BBOX1: variants seen among roughly 807,000 people sequenced by gnomAD.
BBOX1 encodes the protein gamma-butyrobetaine hydroxylase 1.
A neutral mutation model predicts 41.6 loss-of-function variants in BBOX1; 35 were observed. The ratio of observed to expected loss-of-function variants is 0.84; its 90% CI spans 0.64 to 1.11. BBOX1 has a LOEUF of 1.11. BBOX1 is among the 50% of genes most tolerant of loss of function. The pLI, the probability that BBOX1 is intolerant of heterozygous loss-of-function variation, is 0.00. For synonymous variants in BBOX1, 163 were observed against 154.7 expected, an observed-to-expected ratio of 1.05 and a Z score of -0.40; for missense variants, 458 against 460.6, an observed-to-expected ratio of 0.99 and a Z score of 0.05.
At chr11:27,090,947 C>T (rs974094585) in intron 4 of BBOX1, among the ~76,000 whole-genome samples, 1 of 151,862 alleles carries the variant, frequency 6.6e-6, no homozygotes, top group Non-Finnish European at 1.5e-5. Context: ...TTTGCCCAAC[C>T]CCGCAGGCAG....
intron 4 of BBOX1, among the ~76,000 whole-genome samples, chr11:27,059,120 G>T (rs1410102953): frequency 6.6e-6 from 1 of 152,150 alleles, no homozygotes; most frequent in Non-Finnish European, 1.5e-5. Context: ...GGGCTCCACT[G>T]CCCTGTGTGT....
Position 27,125,722 on chromosome 11 carries a change from T to G in BBOX1, c.905T>G (p.Val302Gly). The G allele has an allele frequency of 6.2e-7, 1 of 1,612,702 alleles. No individual in the cohort carries two copies. The highest frequency in any genetic ancestry group is 8.5e-7 in the Non-Finnish European group (1 of 1,179,190). ...GCAACTAGGGACACAATATTTGATG[T>G]GCCTGTTGAAAGAGTTCAGCCTTTT... ...NNATRDTIFDVPVERVQPFYA... is the reference protein window; with the variant it reads ...NNATRDTIFDGPVERVQPFYA... Residue 302 changes from valine (V) to glycine (G), a missense_variant, in exon 8 of 9, where the codon GTG becomes GGG. By Grantham distance (109) the Val-to-Gly change is moderately radical. Coordinates refer to ENST00000263182, the MANE Select transcript of BBOX1 (RefSeq NM_003986.3).
At chr11:27,050,127 G>A (rs1399159980) in intron 2 of BBOX1, among the ~76,000 whole-genome samples, 2 of 152,078 alleles carry the variant, frequency 1.3e-5, no homozygotes, top group Non-Finnish European at 2.9e-5. Context: ...TCCCCATTTA[G>A]TGTTCTTGGG....
At chr11:27,097,183 G>A (rs1037331779) in intron 5 of BBOX1, among the ~76,000 whole-genome samples, 3 of 132,446 alleles carry the variant, frequency 2.3e-5, no homozygotes, top group African/African-American at 1.1e-4. Context: ...AGTTTTTACA[G>A]ACTAGGCCAA....
chr11:27,048,964 T>A (rs1414366243), intron 2 of BBOX1, among the ~76,000 whole-genome samples: 1 of 144,954 alleles, frequency 6.9e-6, no homozygotes, highest in African/African-American at 2.6e-5. Flanking sequence ...ATTCTCATTG[T>A]TAAATTCCCA....
In BBOX1 at chr11:27,093,247, C is replaced by T. The variant is rs1456573769; in HGVS notation, c.414C>T (p.Tyr138=). The T allele has an allele frequency of 2.5e-6, 4 of 1,612,494 alleles. 1 individual carries two copies. The highest frequency in any genetic ancestry group is 1.7e-5 in the Admixed American group (1 of 59,830). Reference sequence around the variant, plus strand: ...TTTTAAGATATGATGAACACGCATACAAGTGGCTCTCCACCCTCAAGAAAG... The same window carrying T: ...TTTTAAGATATGATGAACACGCATATAAGTGGCTCTCCACCCTCAAGAAAG... ...EDVLRYDEHA[Y]KWLSTLKKVG... is the part of the protein sequence containing the mutation. Residue 138 remains tyrosine (Y), a synonymous_variant, in exon 5 of 9, where the codon TAC becomes TAT. Coordinates refer to ENST00000263182, the MANE Select transcript of BBOX1 (RefSeq NM_003986.3).
intron 4 of BBOX1, among the ~76,000 whole-genome samples, chr11:27,087,712 C>A (rs1858093899): frequency 6.6e-6 from 1 of 152,004 alleles, no homozygotes; most frequent in African/African-American, 2.4e-5. Flanking sequence ...ACAGCAGCGT[C>A]TGTGAAAGTC....
intron 5 of BBOX1, 96 bp from the exon 6 acceptor site, chr11:27,115,356 A>C: frequency 1.0e-6 from 1 of 975,002 alleles, no homozygotes; most frequent in Middle Eastern, 2.2e-4. Flanking sequence ...AAAAAATGAA[A>C]AGTTTCCATT....
chr11:27,046,917 A>AGT (rs1851502262), intron 2 of BBOX1, among the ~76,000 whole-genome samples: 1 of 1,050 alleles, frequency 9.5e-4, no homozygotes, highest in African/African-American at 3.3e-3. Context: ...GATGATCTGC[A>AGT]ATTTTTTTTT....
At chr11:27,046,725 T>C (rs988881443) in intron 2 of BBOX1, among the ~76,000 whole-genome samples, 2 of 152,182 alleles carry the variant, frequency 1.3e-5, no homozygotes, top group African/African-American at 4.8e-5. Flanking sequence ...ATATAGGAGC[T>C]ATATCTAAAT....
intron 4 of BBOX1, among the ~76,000 whole-genome samples, chr11:27,071,292 G>A (rs1043777402): frequency 4.0e-5 from 6 of 151,666 alleles, no homozygotes; most frequent in African/African-American, 1.5e-4. Flanking sequence ...TGAGGCAGGA[G>A]AATGGCATGA....
intron 4 of BBOX1, among the ~76,000 whole-genome samples, chr11:27,070,498 C>A (rs1186377210): frequency 1.3e-5 from 2 of 152,078 alleles, no homozygotes; most frequent in African/African-American, 4.8e-5. Flanking sequence ...TTGATTCTTT[C>A]ATCATTGTAT....
chr11:27,080,245 G>A (rs1857790422), intron 4 of BBOX1, among the ~76,000 whole-genome samples: 1 of 151,938 alleles, frequency 6.6e-6, no homozygotes, highest in Admixed American at 6.6e-5. Flanking sequence ...TGATTTAAGG[G>A]TATCTGAACT....
chr11:27,119,549 G>A (rs867915415), intron 6 of BBOX1, 100 bp from the exon 7 acceptor site: 83 of 713,610 alleles, frequency 1.2e-4, no homozygotes, highest in Middle Eastern at 1.0e-3. Flanking sequence ...AATGGTGCAT[G>A]TATATTATTT....
chr11:27,065,507 G>A (rs1857256503), intron 4 of BBOX1, among the ~76,000 whole-genome samples: 1 of 152,206 alleles, frequency 6.6e-6, no homozygotes, highest in Admixed American at 6.5e-5. Context: ...AACCTACCAG[G>A]GGAGACTCAG....
At chr11:27,048,253 C>A (rs113641163) in intron 2 of BBOX1, among the ~76,000 whole-genome samples, 2 of 152,122 alleles carry the variant, frequency 1.3e-5, no homozygotes, top group African/African-American at 4.8e-5. Flanking sequence ...ACCAACATAT[C>A]CCCATTTCTC....
intron 4 of BBOX1, among the ~76,000 whole-genome samples, chr11:27,079,661 T>C (rs2134012690): frequency 6.6e-6 from 1 of 152,176 alleles, no homozygotes; most frequent in East Asian, 1.9e-4. Flanking sequence ...AGATATATGA[T>C]GGGCAATGAT....
chr11:27,119,547 A>T (rs928287937), intron 6 of BBOX1, 102 bp from the exon 7 acceptor site: 1 of 693,154 alleles, frequency 1.4e-6, no homozygotes, highest in Non-Finnish European at 2.0e-6. Flanking sequence ...AAAATGGTGC[A>T]TGTATATTAT....
At position 27,124,456 on chromosome 11, in the gene BBOX1, T is replaced by C. The variant is rs372162189; in HGVS notation, c.837-1198T>C. Among the ~76,000 whole-genome samples the C allele has an allele frequency of 4.9e-4, 75 of 152,338 alleles. No homozygotes were observed. In the South Asian group the frequency reaches 0.011, roughly 22 times the overall value. On this transcript the variant is annotated intron_variant, in intron 7 of 8. Transcript: ENST00000263182. ...TGCCTCTGTATCTGGGTGATGTTCA[T>C]GTCTTGCTAATTATAACCACCAAAG...
Sources: allele counts gnomAD v4.1 joint callset (sites outside exome capture counted in the v4.1 genomes callset), GRCh38; gene constraint gnomAD v4.1.1; transcripts MANE v1.5; gene names NCBI Gene and HGNC (gene_info 2026-07-23, HGNC 2026-07-21).